FGD4: variants seen among roughly 807,000 people sequenced by gnomAD.
The protein encoded by FGD4 is FYVE, RhoGEF and PH domain-containing protein 4.
Under a neutral mutation model 102.0 loss-of-function variants are expected in FGD4, and 42 were observed. The observed-to-expected ratio is 0.41, with a 90% CI of 0.32 to 0.53. The LOEUF (loss-of-function observed/expected upper bound fraction) is 0.53. FGD4 is among the 20% of genes least tolerant of loss of function. The pLI, the probability that FGD4 is intolerant of heterozygous loss-of-function variation, is 0.21. For missense variants in FGD4, 902 were observed against 1,078.2 expected (o/e 0.84, Z 2.29); for synonymous variants, 380 against 375.7 (o/e 1.01, Z -0.13).
chr12:32,636,345 C>T (rs994106591), intron 15 of FGD4, among the ~76,000 whole-genome samples: 18 of 152,062 alleles, frequency 1.2e-4, no homozygotes, highest in African/African-American at 4.1e-4. Context: ...ACCAGCCTGA[C>T]GAACATGGTG....
intron 3 of FGD4, among the ~76,000 whole-genome samples, chr12:32,578,546 C>T (rs369993376): frequency 1.8e-4 from 27 of 152,082 alleles, no homozygotes; most frequent in African/African-American, 5.6e-4. Flanking sequence ...AAGACCTTAC[C>T]CGGCTGGGTA....
At chr12:32,432,861 G>A (rs1942101795) in intron 1 of FGD4, among the ~76,000 whole-genome samples, 1 of 152,096 alleles carries the variant, frequency 6.6e-6, no homozygotes, top group African/African-American at 2.4e-5. Flanking sequence ...CTGAAATCCT[G>A]TTGAGTGCTA....
At chr12:32,414,277 CT>C (rs1394143790) in intron 1 of FGD4, among the ~76,000 whole-genome samples, 5 of 150,228 alleles carry the variant, frequency 3.3e-5, no homozygotes, top group African/African-American at 4.9e-5. Context: ...CAGCCTACTT[CT>C]TTTTTTTTTA....
intron 15 of FGD4, among the ~76,000 whole-genome samples, chr12:32,637,478 C>G (rs1950905167): frequency 6.6e-6 from 1 of 151,780 alleles, no homozygotes. Context: ...TGCCTGTAGT[C>G]CCAGTTACTC....
intron 1 of FGD4, among the ~76,000 whole-genome samples, chr12:32,563,499 C>G (rs1944877210): frequency 6.7e-6 from 1 of 150,330 alleles, no homozygotes; most frequent in Non-Finnish European, 1.5e-5. Context: ...CAGGCAGAGA[C>G]ACTCCTCACT....
At chr12:32,601,983 C>G (rs536484873) in intron 6 of FGD4, among the ~76,000 whole-genome samples, 178 bp from the exon 7 acceptor site, 1 of 152,122 alleles carries the variant, frequency 6.6e-6, no homozygotes, top group African/African-American at 2.4e-5. Flanking sequence ...GGCGTGGTGG[C>G]GCGTGCCTGT....
chr12:32,523,905 G>A (rs771102776), intron 1 of FGD4, among the ~76,000 whole-genome samples: 33 of 152,100 alleles, frequency 2.2e-4, no homozygotes, highest in Non-Finnish European at 4.3e-4. Context: ...GTGAACCCGG[G>A]AGGCGGAGCT....
intron 4 of FGD4, among the ~76,000 whole-genome samples, chr12:32,592,670 A>G (rs1947580219): frequency 6.6e-6 from 1 of 152,190 alleles, no homozygotes; most frequent in Non-Finnish European, 1.5e-5. Flanking sequence ...ATGTAATTCT[A>G]ATATAGTAAT....
intron 1 of FGD4, among the ~76,000 whole-genome samples, chr12:32,464,802 C>A (rs1943208135): frequency 6.6e-6 from 1 of 152,166 alleles, no homozygotes; most frequent in Non-Finnish European, 1.5e-5. Flanking sequence ...GACTTACATC[C>A]TGTGCTTCTA....
At chr12:32,402,968 C>G (rs1328023229) in intron 1 of FGD4, among the ~76,000 whole-genome samples, 2 of 152,098 alleles carry the variant, frequency 1.3e-5, no homozygotes, top group African/African-American at 2.4e-5. Flanking sequence ...TAAGTCTGTT[C>G]TTCCCCCTCA....
intron 14 of FGD4, among the ~76,000 whole-genome samples, chr12:32,630,457 A>G (rs1236857449): frequency 6.6e-6 from 1 of 152,058 alleles, no homozygotes; most frequent in Non-Finnish European, 1.5e-5. Flanking sequence ...AGGCAGGAGG[A>G]TTGCTTGAGG....
rs755674037 is a variant in FGD4, at chr12:32,516,708, C to T, written c.167-47429C>T. ...TTTTATTTTAACAGAATAAATATCT[C>T]AGGCATGGTGGCTTATGTGGTAAAA... is the stretch of plus-strand genomic sequence containing the variant. On this transcript the variant is annotated intron_variant, in intron 1 of 16. Coordinates refer to ENST00000534526, the MANE Select transcript of FGD4 (RefSeq NM_001370298.3). 7.2e-4 allele frequency among the ~76,000 whole-genome samples: 110 copies of T among 152,270 alleles called. 1 individual carries two copies. The highest frequency in any genetic ancestry group is 1.0e-3 in the Non-Finnish European group (70 of 68,020).
intron 1 of FGD4, among the ~76,000 whole-genome samples, chr12:32,468,030 T>A (rs1229242741): frequency 6.6e-6 from 1 of 151,716 alleles, no homozygotes; most frequent in Non-Finnish European, 1.5e-5. Context: ...AAAATTTTTT[T>A]TAATTTTTAT....
At chr12:32,472,740 A>G (rs1345605573) in intron 1 of FGD4, among the ~76,000 whole-genome samples, 1 of 152,234 alleles carries the variant, frequency 6.6e-6, no homozygotes, top group African/African-American at 2.4e-5. Context: ...CACTAGGTGA[A>G]GCCAGCTGGG....
chr12:32,464,255 C>T (rs1350680206), intron 1 of FGD4, among the ~76,000 whole-genome samples: 2 of 152,164 alleles, frequency 1.3e-5, no homozygotes, highest in Non-Finnish European at 1.5e-5. Context: ...CTGGGTCAAG[C>T]AGTTCTCCTG....
intron 4 of FGD4, among the ~76,000 whole-genome samples, chr12:32,593,868 A>G (rs1947670108): frequency 6.6e-6 from 1 of 152,244 alleles, no homozygotes; most frequent in African/African-American, 2.4e-5. Context: ...TGAAAAGAAT[A>G]GGCTACTGCT....
At chr12:32,608,739 A>G (rs960674307) in intron 8 of FGD4, among the ~76,000 whole-genome samples, 4 of 152,238 alleles carry the variant, frequency 2.6e-5, no homozygotes, top group African/African-American at 7.2e-5. Context: ...AAGAAATAAC[A>G]GTGGCTTGAT....
At chr12:32,533,023 C>T (rs7315682) in intron 1 of FGD4, among the ~76,000 whole-genome samples, 39,660 of 152,094 alleles carry the variant, frequency 0.26, 8,138 homozygotes, top group African/African-American at 0.57. Context: ...ATCCTCAGCA[C>T]TGTATTGGCT....
intron 6 of FGD4, 127 bp downstream of exon 6, chr12:32,601,550 A>C: frequency 8.8e-7 from 1 of 1,140,404 alleles, no homozygotes; most frequent in South Asian, 1.6e-5. Context: ...TACATTAAAG[A>C]CTACTGATAG....
Sources: allele counts gnomAD v4.1 joint callset (sites outside exome capture counted in the v4.1 genomes callset), GRCh38; gene constraint gnomAD v4.1.1; transcripts MANE v1.5; gene names NCBI Gene and HGNC (gene_info 2026-07-23, HGNC 2026-07-21).